FSHR: variants seen among roughly 807,000 people sequenced by gnomAD.
The protein encoded by FSHR is follicle-stimulating hormone receptor.
In FSHR, 46 loss-of-function variants were observed where a neutral mutation model predicts 52.1. The observed-to-expected ratio is 0.88, with a 90% CI of 0.70 to 1.13. FSHR has a LOEUF of 1.13. Ranked by LOEUF, FSHR falls within the 50% of genes most tolerant of loss-of-function variation. The pLI, the probability that FSHR is intolerant of heterozygous loss-of-function variation, is 0.00. For synonymous variants in FSHR, 399 were observed against 309.6 expected (o/e 1.29, Z -3.03); for missense variants, 964 against 834.6 (o/e 1.16, Z -1.91).
intron 1 of FSHR, among the ~76,000 whole-genome samples, chr2:49,140,092 T>C (rs1356377118): frequency 6.6e-6 from 1 of 152,114 alleles, no homozygotes; most frequent in Non-Finnish European, 1.5e-5. Context: ...TTGGCCTAAA[T>C]AGGACATCAC....
intron 8 of FSHR, among the ~76,000 whole-genome samples, chr2:48,978,744 A>G (rs1382678150): frequency 9.2e-5 from 14 of 152,112 alleles, no homozygotes; most frequent in Admixed American, 9.2e-4. Context: ...ACTCGATGAA[A>G]CTTGTTTGTA....
chr2:49,055,893 C>T (rs369798787), intron 2 of FSHR, among the ~76,000 whole-genome samples: 1 of 152,076 alleles, frequency 6.6e-6, no homozygotes, highest in East Asian at 1.9e-4. Flanking sequence ...ACCTGCCAAA[C>T]AAGAAATGCT....
chr2:49,127,830 C>CTTCTTCTTCTTCT (rs1558456676), intron 1 of FSHR, among the ~76,000 whole-genome samples: 2 of 21,054 alleles, frequency 9.5e-5, no homozygotes, highest in African/African-American at 2.3e-4. Context: ...CTTCTTCTTC[C>CTTCTTCTTCTTCT]TCTTCTTCTT....
chr2:49,083,057 G>C (rs1670238851), intron 1 of FSHR, among the ~76,000 whole-genome samples: 2 of 150,306 alleles, frequency 1.3e-5, no homozygotes, highest in Admixed American at 6.6e-5. Context: ...ATTCACCAAA[G>C]TTGAAATGAA....
chr2:48,993,447 G>T (rs1044101609), intron 4 of FSHR, among the ~76,000 whole-genome samples: 1 of 152,070 alleles, frequency 6.6e-6, no homozygotes, highest in Non-Finnish European at 1.5e-5. Context: ...AGTCCTCTTA[G>T]ATTCCATTTC....
chr2:49,144,670 C>T (rs1476595362), intron 1 of FSHR, among the ~76,000 whole-genome samples: 1 of 152,106 alleles, frequency 6.6e-6, no homozygotes, highest in Admixed American at 6.6e-5. Context: ...TGCTGCACTG[C>T]TTGCCCACAA....
intron 2 of FSHR, among the ~76,000 whole-genome samples, chr2:49,041,258 G>T (rs1053191076): frequency 2.0e-5 from 3 of 152,070 alleles, no homozygotes; most frequent in Non-Finnish European, 2.9e-5. Context: ...TATTTTTGTG[G>T]TGCTCATTTG....
At chr2:48,990,683 T>G in intron 4 of FSHR, 46 bp from the exon 5 acceptor site, 1 of 1,140,722 alleles carries the variant, frequency 8.8e-7, no homozygotes, top group East Asian at 2.3e-5. Flanking sequence ...AACTGGCTGT[T>G]TAAACAGTTG....
At chr2:49,018,586 A>G (rs1667581412) in intron 3 of FSHR, among the ~76,000 whole-genome samples, 1 of 152,178 alleles carries the variant, frequency 6.6e-6, no homozygotes, top group Non-Finnish European at 1.5e-5. Flanking sequence ...GACCTTGCCC[A>G]GAGGGCTGGC....
intron 4 of FSHR, among the ~76,000 whole-genome samples, chr2:49,013,129 C>G (rs967252024): frequency 6.6e-6 from 1 of 151,334 alleles, no homozygotes; most frequent in Non-Finnish European, 1.5e-5. Flanking sequence ...CTTCCCCCCC[C>G]ACCCCCACTT....
chr2:49,059,277 A>G (rs1025119557), intron 2 of FSHR, among the ~76,000 whole-genome samples: 2 of 152,154 alleles, frequency 1.3e-5, no homozygotes, highest in African/African-American at 4.8e-5. Context: ...AAAAAAATTT[A>G]AATTTGTACG....
chr2:49,116,702 A>AT (rs1299381507), intron 1 of FSHR, among the ~76,000 whole-genome samples: 1 of 152,072 alleles, frequency 6.6e-6, no homozygotes, highest in African/African-American at 2.4e-5. Context: ...TATTCTTTAA[A>AT]TTTTTTCAGA....
rs70946840 is a variant in FSHR, at chr2:48,989,273, CT to C, written c.447-220del. Among the ~76,000 whole-genome samples, 16,719 of 118,360 alleles carry C rather than the reference CT, an allele frequency of 0.14. 1,335 individuals carry two copies. The highest frequency in any genetic ancestry group is 0.29 in the African/African-American group (7,809 of 26,556). The allele number at this position is 118,360 out of a possible 152,430, so 77.6% of individuals were successfully genotyped here. A position where few individuals can be genotyped will look rare whatever the true frequency, so the allele number is the denominator to read the frequency against. Reference sequence around the variant, plus strand: ...AAATGGAATTGCAGACATTCAGTGTCTTTTTTTTTTTTTTTTTTTTTTTTTA... The same window carrying C: ...AAATGGAATTGCAGACATTCAGTGTCTTTTTTTTTTTTTTTTTTTTTTTTA... On this transcript the variant is annotated intron_variant, in intron 5 of 9. Coordinates refer to ENST00000406846, the MANE Select transcript of FSHR (RefSeq NM_000145.4).
intron 6 of FSHR, among the ~76,000 whole-genome samples, chr2:48,983,723 G>A (rs1675363038): frequency 6.6e-6 from 1 of 152,208 alleles, no homozygotes; most frequent in South Asian, 2.1e-4. Context: ...GTTATTGGAG[G>A]TTTGTGGAGG....
intron 1 of FSHR, among the ~76,000 whole-genome samples, chr2:49,147,100 A>G (rs1672898696): frequency 6.6e-6 from 1 of 152,100 alleles, no homozygotes; most frequent in Non-Finnish European, 1.5e-5. Context: ...AGATTTTCAG[A>G]TCAGCCAGCC....
At chr2:49,127,766 CTT>C in intron 1 of FSHR, among the ~76,000 whole-genome samples, 1 of 33,098 alleles carries the variant, frequency 3.0e-5, no homozygotes, top group African/African-American at 1.4e-4. Flanking sequence ...TCTTCTTCTT[CTT>C]CTTCTTCTTC....
chr2:48,972,691 C>A (rs148435675), intron 8 of FSHR, among the ~76,000 whole-genome samples: 4 of 152,192 alleles, frequency 2.6e-5, no homozygotes, highest in African/African-American at 9.6e-5. Context: ...TTGTCTATAA[C>A]AATTCAGGAC....
intron 2 of FSHR, among the ~76,000 whole-genome samples, chr2:49,053,279 G>C (rs995253247): frequency 2.0e-5 from 3 of 152,164 alleles, no homozygotes; most frequent in East Asian, 3.9e-4. Context: ...TATTCATCAT[G>C]CTCCTATTTC....
chr2:49,069,492 A>G (rs1481215951), intron 1 of FSHR, among the ~76,000 whole-genome samples: 3 of 152,070 alleles, frequency 2.0e-5, no homozygotes, highest in South Asian at 2.1e-4. Flanking sequence ...CTGACATGTT[A>G]TATCTTCATT....
Sources: allele counts gnomAD v4.1 joint callset (sites outside exome capture counted in the v4.1 genomes callset), GRCh38; gene constraint gnomAD v4.1.1; transcripts MANE v1.5; gene names NCBI Gene and HGNC (gene_info 2026-07-23, HGNC 2026-07-21).